Variants in GARIN2 observed in about 807,000 individuals in gnomAD.
GARIN2 encodes the protein golgi associated RAB2 interactor family member 2.
chr14:67,199,078 T>C, the GARIN2 span: 2 of 942,342 alleles, frequency 2.1e-6, no homozygotes, highest in South Asian at 1.3e-5. Flanking sequence ...ACCAGGCCGA[T>C]CTCCGAGCGG....
the GARIN2 span, among the ~76,000 whole-genome samples, chr14:67,212,782 A>G: frequency 6.6e-6 from 1 of 151,718 alleles, no homozygotes; most frequent in Non-Finnish European, 1.5e-5. Flanking sequence ...GCCAAGGGAA[A>G]CAAAGGAAAA....
At chr14:67,200,202 C>A in the GARIN2 span, 1 of 1,127,600 alleles carries the variant, frequency 8.9e-7, no homozygotes, top group Non-Finnish European at 1.2e-6. Context: ...CACTGATGCC[C>A]CCCATGGATA....
At chr14:67,210,620 A>G in the GARIN2 span, among the ~76,000 whole-genome samples, 1 of 152,108 alleles carries the variant, frequency 6.6e-6, no homozygotes. Flanking sequence ...AGATGTTTCT[A>G]TTAAACTTTC....
the GARIN2 span, among the ~76,000 whole-genome samples, chr14:67,216,872 G>T: frequency 6.6e-6 from 1 of 152,150 alleles, no homozygotes; most frequent in Non-Finnish European, 1.5e-5. Flanking sequence ...CTGATGAAAA[G>T]AATGTGTACT....
chr14:67,220,679 A>C, the GARIN2 span, among the ~76,000 whole-genome samples: 1 of 152,152 alleles, frequency 6.6e-6, no homozygotes, highest in Non-Finnish European at 1.5e-5. Context: ...CCTTTGTTTC[A>C]AAGAGGATAG....
the GARIN2 span, among the ~76,000 whole-genome samples, chr14:67,193,335 T>TAG: frequency 3.6e-5 from 5 of 138,944 alleles, no homozygotes; most frequent in African/African-American, 1.3e-4. Context: ...TATCTCTATA[T>TAG]AGATATCTAT....
At chr14:67,203,035 A>C in the GARIN2 span, 1 of 1,549,902 alleles carries the variant, frequency 6.5e-7, no homozygotes, top group Non-Finnish European at 8.8e-7. Flanking sequence ...TCAGGCAAGC[A>C]AGGTTGTCAA....
the GARIN2 span, among the ~76,000 whole-genome samples, chr14:67,216,448 T>C: frequency 6.6e-6 from 1 of 152,134 alleles, no homozygotes; most frequent in Non-Finnish European, 1.5e-5. Context: ...AATTTTGAGT[T>C]TGGATTATTC....
the GARIN2 span, chr14:67,200,092 G>C: frequency 3.0e-6 from 3 of 1,012,358 alleles, no homozygotes; most frequent in Non-Finnish European, 4.4e-6. Context: ...GCCTTATCCT[G>C]GACCTCCTCC....
chr14:67,202,389 C>T, the GARIN2 span, among the ~76,000 whole-genome samples: 32 of 152,096 alleles, frequency 2.1e-4, no homozygotes, highest in South Asian at 8.3e-4. Flanking sequence ...TGTAGTAAGC[C>T]GAGATCACCC....
chr14:67,216,786 T>A, the GARIN2 span, among the ~76,000 whole-genome samples: 6 of 152,332 alleles, frequency 3.9e-5, no homozygotes, highest in South Asian at 8.3e-4. Flanking sequence ...TTTTGATTTT[T>A]AAAAATTTTG....
At chr14:67,228,304 G>A in the GARIN2 span, 1 of 409,508 alleles carries the variant, frequency 2.4e-6, no homozygotes, top group African/African-American at 2.2e-5. Flanking sequence ...AATTTTGTTT[G>A]TTTCAATCAT....
chr14:67,192,026 C>T, the GARIN2 span, among the ~76,000 whole-genome samples: 1 of 152,098 alleles, frequency 6.6e-6, no homozygotes, highest in African/African-American at 2.4e-5. Context: ...TAACAGAGAC[C>T]GCAAGGGATC....
At chr14:67,193,294 C>CTATCTATATATCTCTATATAGA in the GARIN2 span, among the ~76,000 whole-genome samples, 218 of 134,374 alleles carry the variant, frequency 1.6e-3, no homozygotes, top group African/African-American at 4.0e-3. Context: ...ATATAGACAT[C>CTATCTATATATCTCTATATAGA]TATCTATATA....
chr14:67,219,522 A>T, the GARIN2 span, among the ~76,000 whole-genome samples: 24,151 of 152,134 alleles, frequency 0.16, 3,649 homozygotes, highest in East Asian at 0.44. Flanking sequence ...TCTTGCTGAC[A>T]TCACTCCCTG....
the GARIN2 span, among the ~76,000 whole-genome samples, chr14:67,192,079 A>G: frequency 9.2e-5 from 14 of 152,214 alleles, no homozygotes; most frequent in African/African-American, 3.1e-4. Context: ...ATAAAACTCC[A>G]TTCTTTGTGC....
chr14:67,224,697 G>A, the GARIN2 span: 1 of 312,514 alleles, frequency 3.2e-6, no homozygotes, highest in Non-Finnish European at 6.2e-6. Context: ...AAGATGAAAA[G>A]AGACAAAGGA....
At chr14:67,193,008 A>G in the GARIN2 span, among the ~76,000 whole-genome samples, 2 of 146,250 alleles carry the variant, frequency 1.4e-5, no homozygotes, top group Non-Finnish European at 3.0e-5. Context: ...CTATATATCA[A>G]TATCTAGATA....
At chr14:67,210,152 A>G in the GARIN2 span, among the ~76,000 whole-genome samples, 1 of 152,228 alleles carries the variant, frequency 6.6e-6, no homozygotes, top group African/African-American at 2.4e-5. Flanking sequence ...AAAATAACTT[A>G]TTTGAATGTA....
Sources: gnomAD v4.1 joint callset for allele counts (sites outside exome capture counted in the v4.1 genomes callset) on GRCh38, gnomAD v4.1.1 for gene constraint, MANE v1.5 for transcripts, NCBI Gene and HGNC (gene_info 2026-07-23, HGNC 2026-07-21) for gene names.